GDPD1: variants seen among roughly 807,000 people sequenced by gnomAD.
The protein encoded by GDPD1 is glycerophosphodiester phosphodiesterase domain containing 1, also known as lysophospholipase D GDPD1.
In GDPD1, 28 loss-of-function variants were observed where a neutral mutation model predicts 45.1. The ratio of observed to expected loss-of-function variants is 0.62; its 90% CI spans 0.46 to 0.85. GDPD1 has a LOEUF of 0.85. Among genes scored for constraint, GDPD1 ranks in the 40% least tolerant of loss-of-function variants. The pLI is 0.00. For missense variants in GDPD1, 256 were observed against 364.8 expected, an observed-to-expected ratio of 0.70 and a Z score of 2.43; for synonymous variants, 139 against 131.4, an observed-to-expected ratio of 1.06 and a Z score of -0.40.
At chr17:59,222,505 CTTTT>C (rs149536097) in intron 1 of GDPD1, among the ~76,000 whole-genome samples, 25 of 41,738 alleles carry the variant, frequency 6.0e-4, no homozygotes, top group African/African-American at 1.2e-3. Context: ...AGTGCCCAGC[CTTTT>C]TTTTTTTTTT....
intron 6 of GDPD1, among the ~76,000 whole-genome samples, chr17:59,260,512 A>C (rs1193189605): frequency 6.6e-6 from 1 of 152,114 alleles, no homozygotes; most frequent in Non-Finnish European, 1.5e-5. Flanking sequence ...ACTGCACTCC[A>C]GCCTGGGCAA....
At position 59,234,494 on chromosome 17, in the gene GDPD1, G is replaced by T. The variant is rs1444465987; in HGVS notation, c.145G>T (p.Ala49Ser). Residue 49 changes from alanine to serine, a missense_variant and splice_region_variant, in exon 2 of 10, where the codon GCT becomes TCT. Physicochemically the swap from Ala to Ser is moderately conservative, Grantham distance 99. Coordinates refer to ENST00000284116, the MANE Select transcript of GDPD1 (RefSeq NM_182569.4). ...LSKHISHRGG[A>S]GENLENTMAA... ...AAATATAGTTTAAATTTTCACAGGT[G>T]CTGGAGAAAATTTGGAGAATACAAT... is the stretch of plus-strand genomic sequence containing the variant. The T allele has an allele frequency of 1.3e-6, 2 of 1,589,462 alleles. No individual in the cohort carries two copies. Among genetic ancestry groups the T allele is most frequent in the African/African-American group, 2.7e-5 (2 of 74,352 alleles).
At chr17:59,241,396 C>A (rs2047174677) in intron 2 of GDPD1, among the ~76,000 whole-genome samples, 1 of 152,160 alleles carries the variant, frequency 6.6e-6, no homozygotes, top group South Asian at 2.1e-4. Context: ...TGGCTCACTG[C>A]AATCTCTGCC....
chr17:59,245,927 C>A (rs1224085003), intron 3 of GDPD1, among the ~76,000 whole-genome samples: 1 of 151,934 alleles, frequency 6.6e-6, no homozygotes, highest in African/African-American at 2.4e-5. Flanking sequence ...TCGAGACCAG[C>A]CTGGCCAACA....
At chr17:59,258,104 T>G (rs1325871338) in intron 6 of GDPD1, among the ~76,000 whole-genome samples, 1 of 151,950 alleles carries the variant, frequency 6.6e-6, no homozygotes, top group Non-Finnish European at 1.5e-5. Flanking sequence ...TTTTTAAATC[T>G]TTAGTAGAGA....
At chr17:59,246,235 C>A (rs1197680022) in intron 3 of GDPD1, among the ~76,000 whole-genome samples, 2 of 151,998 alleles carry the variant, frequency 1.3e-5, no homozygotes, top group Non-Finnish European at 2.9e-5. Context: ...AGGATTCTAC[C>A]TTATGTAGAA....
intron 1 of GDPD1, among the ~76,000 whole-genome samples, chr17:59,225,508 CT>C (rs2047040732): frequency 6.6e-6 from 1 of 151,940 alleles, no homozygotes; most frequent in African/African-American, 2.4e-5. Context: ...AGCTTTTCCA[CT>C]GTGAGGTTAC....
intron 2 of GDPD1, among the ~76,000 whole-genome samples, chr17:59,242,831 A>G (rs116750098): frequency 0.024 from 3,650 of 152,196 alleles, 147 homozygotes; most frequent in African/African-American, 0.084. Context: ...CAGGCCCCTC[A>G]CCCCTGCACA....
intron 6 of GDPD1, among the ~76,000 whole-genome samples, chr17:59,261,336 C>A (rs2047353899): frequency 6.6e-6 from 1 of 152,038 alleles, no homozygotes; most frequent in Non-Finnish European, 1.5e-5. Flanking sequence ...AAGGGAAGAA[C>A]AGAGCAATCA....
chr17:59,237,211 C>A (rs1363111659), intron 2 of GDPD1, among the ~76,000 whole-genome samples: 1 of 151,978 alleles, frequency 6.6e-6, no homozygotes, highest in Non-Finnish European at 1.5e-5. Context: ...CCAGCCTGGG[C>A]AGCAGGGTGA....
At chr17:59,232,181 G>C (rs188444118) in intron 1 of GDPD1, among the ~76,000 whole-genome samples, 1 of 152,092 alleles carries the variant, frequency 6.6e-6, no homozygotes, top group Non-Finnish European at 1.5e-5. Flanking sequence ...AGCTGGGCGC[G>C]GTGGCTCAAG....
chr17:59,224,624 CA>C (rs71145538), intron 1 of GDPD1, among the ~76,000 whole-genome samples: 37,345 of 114,560 alleles, frequency 0.33, 5,422 homozygotes, highest in African/African-American at 0.46. Flanking sequence ...GACTCCATCT[CA>C]AAAAAAAAAA....
At chr17:59,241,204 G>A (rs2047172987) in intron 2 of GDPD1, among the ~76,000 whole-genome samples, 1 of 152,190 alleles carries the variant, frequency 6.6e-6, no homozygotes, top group Non-Finnish European at 1.5e-5. Flanking sequence ...TTGTTAAGTG[G>A]TGCATGACTT....
chr17:59,225,947 C>T (rs531907610), intron 1 of GDPD1, among the ~76,000 whole-genome samples: 2 of 150,098 alleles, frequency 1.3e-5, no homozygotes, highest in South Asian at 4.3e-4. Context: ...TCTCAAACTC[C>T]TGACCTCAGA....
intron 6 of GDPD1, among the ~76,000 whole-genome samples, chr17:59,266,387 C>CAA (rs540974713): frequency 5.1e-4 from 33 of 64,738 alleles, no homozygotes; most frequent in African/African-American, 1.3e-3. Flanking sequence ...GACTCCGTCT[C>CAA]AAAAAAAAAA....
chr17:59,233,436 C>T (rs1304084736), intron 1 of GDPD1, among the ~76,000 whole-genome samples: 1 of 139,878 alleles, frequency 7.1e-6, no homozygotes, highest in East Asian at 2.2e-4. Flanking sequence ...GGCGTAAGCC[C>T]GGGAGGCGGA....
Position 59,275,551 on chromosome 17 carries a change from G to T in GDPD1, c.*1778G>T. 1 of 181,694 alleles carries T rather than the reference G, an allele frequency of 5.5e-6. No individual in the cohort carries two copies. The highest frequency in any genetic ancestry group is 5.7e-5 in the Admixed American group (1 of 17,468). 11.3% of individuals were successfully genotyped at this position (181,694 alleles called of 1,614,324 possible). ...TCCATTTTTGGCACTGACTAACTGA[G>T]CCTACATCTAGATTTTAAATACCAT... On this transcript the variant is annotated 3_prime_UTR_variant, in exon 10 of 10. Transcript: ENST00000284116.
At chr17:59,246,040 A>T (rs2047208441) in intron 3 of GDPD1, among the ~76,000 whole-genome samples, 1 of 151,966 alleles carries the variant, frequency 6.6e-6, no homozygotes, top group Non-Finnish European at 1.5e-5. Flanking sequence ...GAATCACTTG[A>T]ATCTGGGAGG....
intron 4 of GDPD1, among the ~76,000 whole-genome samples, chr17:59,255,546 A>T (rs2047289723): frequency 6.7e-6 from 1 of 150,162 alleles, no homozygotes. Context: ...GTTTGAGACC[A>T]TCCTGGCCAA....
Sources: gnomAD v4.1 joint callset for allele counts (sites outside exome capture counted in the v4.1 genomes callset) on GRCh38, gnomAD v4.1.1 for gene constraint, MANE v1.5 for transcripts, NCBI Gene and HGNC (gene_info 2026-07-23, HGNC 2026-07-21) for gene names.